The following PARD3B variants were observed in gnomAD, a reference collection of about 807,000 sequenced individuals.
PARD3B encodes par-3 family cell polarity regulator beta.
A neutral mutation model predicts 130.2 loss-of-function variants in PARD3B; 103 were observed. That is an observed-to-expected ratio of 0.79 (90% confidence interval 0.67 to 0.93). The LOEUF (loss-of-function observed/expected upper bound fraction) is 0.93. Among genes scored for constraint, PARD3B ranks in the 40% least tolerant of loss-of-function variants. The probability of loss-of-function intolerance (pLI) is 0.00; values close to 1 mark genes in which losing one functional copy is unlikely to be tolerated. For missense variants in PARD3B, 1,609 were observed against 1,499.2 expected (o/e 1.07, Z -1.21); for synonymous variants, 583 against 553.2 (o/e 1.05, Z -0.76).
At chr2:205,172,104 T>C in intron 11 of PARD3B, 107 bp from the exon 12 acceptor site, 1 of 1,148,870 alleles carries the variant, frequency 8.7e-7, no homozygotes, top group Non-Finnish European at 1.2e-6. Flanking sequence ...AGCTAGGTTT[T>C]CTTTTTTTCT....
chr2:205,115,879 A>G (rs1453637083), intron 6 of PARD3B, among the ~76,000 whole-genome samples: 1 of 152,184 alleles, frequency 6.6e-6, no homozygotes, highest in Non-Finnish European at 1.5e-5. Flanking sequence ...ATTAGAATTT[A>G]CATTTAATTT....
At chr2:204,641,997 A>G (rs1294355741) in intron 1 of PARD3B, among the ~76,000 whole-genome samples, 1 of 152,224 alleles carries the variant, frequency 6.6e-6, no homozygotes, top group African/African-American at 2.4e-5. Flanking sequence ...ATAATCAAGT[A>G]TCTCAGAAAA....
rs2040655639 is a variant in PARD3B, at chr2:205,269,948, C to CAAT, written c.2185+24128_2185+24129insTAA. ...AATAATAACTGAAGATTTTAAGGGA[C>CAAT]AACTTCAGACAATAATACCTAAATA... On this transcript the variant is annotated intron_variant, in intron 16 of 22. Transcript: ENST00000406610. The surrounding 1 kb of genome is among the most constrained non-coding windows in gnomAD (Gnocchi z 4.7). Among the ~76,000 whole-genome samples the CAAT allele has an allele frequency of 6.6e-6, 1 of 152,064 alleles. No homozygotes were observed. The highest frequency in any genetic ancestry group is 2.4e-5 in the African/African-American group (1 of 41,386).
Position 205,461,246 on chromosome 2 carries a change from G to A in PARD3B, c.3044+20574G>A, listed in dbSNP as rs1253766512. On this transcript the variant is annotated intron_variant, in intron 20 of 22. Transcript: ENST00000406610. The surrounding 1 kb of genome is among the most constrained non-coding windows in gnomAD (Gnocchi z 4.3). ...CCATGAGAATTTGGGTGCTGAAAGAGGCATGAAAGGCACTCTGGGCAGAGG... is the reference window on the plus strand; with the variant it reads ...CCATGAGAATTTGGGTGCTGAAAGAAGCATGAAAGGCACTCTGGGCAGAGG... 3.3e-5 allele frequency among the ~76,000 whole-genome samples: 5 copies of A among 152,176 alleles called. No homozygotes were observed. Among genetic ancestry groups the A allele is most frequent in the African/African-American group, 1.2e-4 (5 of 41,450 alleles).
At chr2:205,323,978 A>T (rs1443173950) in intron 18 of PARD3B, among the ~76,000 whole-genome samples, 1 of 152,146 alleles carries the variant, frequency 6.6e-6, no homozygotes, top group Non-Finnish European at 1.5e-5. Context: ...CTTTTCCAGG[A>T]TATCGTCAAT....
At position 205,253,128 on chromosome 2, in the gene PARD3B, G is replaced by A. The variant is rs1253989117; in HGVS notation, c.2185+7306G>A. On this transcript the variant is annotated intron_variant, in intron 16 of 22. Coordinates refer to ENST00000406610, the MANE Select transcript of PARD3B (RefSeq NM_001302769.2). This position sits in a 1 kb window ranked among gnomAD's most constrained non-coding sequence, Gnocchi z 4.4. ...TGATCACATATCTCCAGGTATACTG[G>A]AATTTGCTGGTATCTCCAGTGTTTG... Among the ~76,000 whole-genome samples the A allele has an allele frequency of 1.3e-5, 2 of 152,212 alleles. No homozygotes were observed. Among genetic ancestry groups the A allele is most frequent in the East Asian group, 3.9e-4 (2 of 5,174 alleles).
Position 205,558,759 on chromosome 2 carries a change from T to C in PARD3B, c.3260+5356T>C, listed in dbSNP as rs1347836638. On this transcript the variant is annotated intron_variant, in intron 22 of 22. Coordinates refer to ENST00000406610, the MANE Select transcript of PARD3B (RefSeq NM_001302769.2). The surrounding 1 kb of genome is among the most constrained non-coding windows in gnomAD (Gnocchi z 4.8). ...CTGCCTAACATTCATGTCCCACTCT[T>C]GTGACCCCGTTTGATATACTCCTCC... Among the ~76,000 whole-genome samples, 1 of 152,144 alleles carries C rather than the reference T, an allele frequency of 6.6e-6. No individual in the cohort carries two copies. Among genetic ancestry groups the C allele is most frequent in the African/African-American group, 2.4e-5 (1 of 41,426 alleles).
intron 16 of PARD3B, among the ~76,000 whole-genome samples, chr2:205,296,663 ATGTGTGTGTGTGTG>A (rs3048084): frequency 2.2e-5 from 3 of 138,030 alleles, no homozygotes; most frequent in South Asian, 2.4e-4. Context: ...GTGTTTGTGT[ATGTGTGTGTGTGTG>A]TGTGTGTGTG....
chr2:204,927,033 G>A (rs1175736764), intron 2 of PARD3B, among the ~76,000 whole-genome samples: 1 of 151,998 alleles, frequency 6.6e-6, no homozygotes, highest in African/African-American at 2.4e-5. Flanking sequence ...CCCCCAAAAA[G>A]AAATCCAAAG....
intron 2 of PARD3B, among the ~76,000 whole-genome samples, chr2:204,835,370 A>T (rs1354196285): frequency 7.2e-5 from 11 of 152,214 alleles, no homozygotes; most frequent in Non-Finnish European, 2.9e-5. Flanking sequence ...GGGAAGAAAT[A>T]GCATTTAACC....
chr2:204,667,612 C>A (rs769381859), intron 1 of PARD3B, among the ~76,000 whole-genome samples: 2 of 152,138 alleles, frequency 1.3e-5, no homozygotes, highest in Non-Finnish European at 1.5e-5. Context: ...TTCTTTGTTA[C>A]AGATCTTATA....
At chr2:204,788,971 G>T (rs1473258255) in intron 2 of PARD3B, among the ~76,000 whole-genome samples, 1 of 152,026 alleles carries the variant, frequency 6.6e-6, no homozygotes, top group Admixed American at 6.6e-5. Context: ...AGACGAATTT[G>T]TCATACATTC....
chr2:205,368,216 A>T (rs988840284), intron 18 of PARD3B, among the ~76,000 whole-genome samples: 1 of 152,244 alleles, frequency 6.6e-6, no homozygotes, highest in Non-Finnish European at 1.5e-5. Flanking sequence ...AATAAAGGAT[A>T]TACCAATACT....
At chr2:204,911,498 T>C (rs1012381548) in intron 2 of PARD3B, among the ~76,000 whole-genome samples, 1 of 152,226 alleles carries the variant, frequency 6.6e-6, no homozygotes, top group Non-Finnish European at 1.5e-5. Context: ...ACATCTTCAA[T>C]AATATGAAAA....
chr2:205,319,327 T>C (rs774777058), intron 18 of PARD3B, among the ~76,000 whole-genome samples: 12 of 152,228 alleles, frequency 7.9e-5, no homozygotes, highest in Non-Finnish European at 1.5e-4. Flanking sequence ...CTGAAGTCCA[T>C]GTTCTTAGAC....
At chr2:204,853,210 T>C (rs1348330235) in intron 2 of PARD3B, among the ~76,000 whole-genome samples, 1 of 152,172 alleles carries the variant, frequency 6.6e-6, no homozygotes, top group African/African-American at 2.4e-5. Context: ...ATATGTTCCA[T>C]AGGAACTATT....
intron 2 of PARD3B, among the ~76,000 whole-genome samples, chr2:204,953,831 T>A (rs1690012833): frequency 6.6e-6 from 1 of 152,158 alleles, no homozygotes; most frequent in Non-Finnish European, 1.5e-5. Flanking sequence ...TAGAAACAAG[T>A]CATAGTTTTA....
At chr2:204,822,642 C>G (rs914068684) in intron 2 of PARD3B, among the ~76,000 whole-genome samples, 1 of 152,004 alleles carries the variant, frequency 6.6e-6, no homozygotes, top group Admixed American at 6.6e-5. Flanking sequence ...GCCACACCAC[C>G]CATCTTTCCC....
intron 20 of PARD3B, among the ~76,000 whole-genome samples, chr2:205,450,160 G>T (rs1211015056): frequency 6.6e-6 from 1 of 152,126 alleles, no homozygotes; most frequent in Non-Finnish European, 1.5e-5. Context: ...TATTTAGGAA[G>T]ATTATTGGAC....
Sources: allele counts gnomAD v4.1 joint callset (sites outside exome capture counted in the v4.1 genomes callset), GRCh38; gene constraint gnomAD v4.1.1; non-coding constraint Gnocchi (gnomAD v3.1); transcripts MANE v1.5; gene names NCBI Gene and HGNC (gene_info 2026-07-23, HGNC 2026-07-21).